Variants in IDO1 observed in about 807,000 individuals in gnomAD.
IDO1 encodes the protein indolamine 2,3 dioxygenase.
IDO1 carries 35 observed loss-of-function variants against 38.8 expected under a neutral mutation model. That is an observed-to-expected ratio of 0.90 (90% confidence interval 0.69 to 1.20). The LOEUF (loss-of-function observed/expected upper bound fraction) is 1.20, where lower values mean the gene tolerates loss of function less well. Ranked by LOEUF, IDO1 falls within the 50% of genes most tolerant of loss-of-function variation. IDO1 has a pLI of 0.00. For synonymous variants in IDO1, 171 were observed against 170.0 expected (o/e 1.01, Z -0.05); for missense variants, 509 against 485.1 (o/e 1.05, Z -0.46).
intron 1 of IDO1, among the ~76,000 whole-genome samples, chr8:39,916,052 G>A (rs1053453592): frequency 4.6e-5 from 7 of 152,108 alleles, no homozygotes; most frequent in Middle Eastern, 6.8e-3. Flanking sequence ...TGTAATCCTC[G>A]CTACTCAGGA....
At position 39,917,856 on chromosome 8, in the gene IDO1, ATCT is replaced by A; in HGVS notation, c.88-17_88-15del. ...CAATAACTGCTACTACTAAATAAAG[ATCT>A]TTTTTTTTTTTCAAGGAAAATCTAC... On this transcript the variant is annotated splice_polypyrimidine_tract_variant and intron_variant, in intron 1 of 9. Transcript: ENST00000518237. 6.8e-7 allele frequency: 1 copy of A among 1,460,026 alleles called. No homozygotes were observed. Among genetic ancestry groups the A allele is most frequent in the Non-Finnish European group, 9.6e-7 (1 of 1,047,058 alleles). The allele number at this position is 1,460,026 out of a possible 1,614,324, so 90.4% of individuals were successfully genotyped here. A position where few individuals can be genotyped will look rare whatever the true frequency, so the allele number is the denominator to read the frequency against.
intron 1 of IDO1, among the ~76,000 whole-genome samples, chr8:39,915,992 C>CT (rs1807169268): frequency 1.3e-5 from 2 of 150,894 alleles, no homozygotes; most frequent in African/African-American, 2.4e-5. Flanking sequence ...GGTGAAACCC[C>CT]GTCTCTACTA....
chr8:39,921,456 A>C (rs1179966669), intron 5 of IDO1, among the ~76,000 whole-genome samples: 5 of 152,192 alleles, frequency 3.3e-5, no homozygotes, highest in Non-Finnish European at 7.3e-5. Flanking sequence ...CCATCTCAAA[A>C]AATTAAAATA....
Position 39,923,521 on chromosome 8 carries a change from T to C in IDO1, c.590T>C (p.Leu197Pro). The C allele has an allele frequency of 6.2e-7, 1 of 1,613,778 alleles. No individual in the cohort carries two copies. Among genetic ancestry groups the C allele is most frequent in the Non-Finnish European group, 8.5e-7 (1 of 1,179,692 alleles). Residue 197 changes from leucine (L) to proline (P), a missense_variant, in exon 7 of 10, where the codon CTA (leucine) becomes CCA (proline). Physicochemically the swap from Leu to Pro is moderately conservative, Grantham distance 98. Coordinates refer to ENST00000518237, the MANE Select transcript of IDO1 (RefSeq NM_002164.6). Reference sequence around the variant, plus strand: ...CAAATGCAAGAACGGGACACTTTGCTAAAGGCGCTGTTGGAAATAGCTTCT... The same window carrying C: ...CAAATGCAAGAACGGGACACTTTGCCAAAGGCGCTGTTGGAAATAGCTTCT... ...AMQMQERDTL[L>P]KALLEIASCL...
chr8:39,916,987 C>T (rs547764119), intron 1 of IDO1, among the ~76,000 whole-genome samples: 3 of 152,264 alleles, frequency 2.0e-5, no homozygotes, highest in African/African-American at 7.2e-5. Context: ...AAGTTGGAAA[C>T]TTCACAATAA....
Position 39,922,634 on chromosome 8 carries a change from G to A in IDO1, c.520G>A (p.Ala174Thr). The change falls in exon 6 of 10, where the codon GCT (alanine) becomes ACT (threonine). Residue 174 changes from alanine to threonine, a missense_variant. Coordinates refer to ENST00000518237, the MANE Select transcript of IDO1 (RefSeq NM_002164.6). Reference sequence around the variant, plus strand: ...GGTCTCTCTATTGGTGGAAATAGCAGCTGCTTCTGCAATCAAAGTACGTCT... The same window carrying A: ...GGTCTCTCTATTGGTGGAAATAGCAACTGCTTCTGCAATCAAAGTACGTCT... ...FLVSLLVEIA[A>T]ASAIKVIPTV... 1.2e-6 allele frequency: 2 copies of A among 1,610,850 alleles called. No individual in the cohort carries two copies. Among genetic ancestry groups the A allele is most frequent in the Non-Finnish European group, 1.7e-6 (2 of 1,177,216 alleles).
chr8:39,915,463 A>G (rs2129592051), intron 1 of IDO1, among the ~76,000 whole-genome samples: 1 of 152,362 alleles, frequency 6.6e-6, no homozygotes, highest in East Asian at 1.9e-4. Context: ...GAAATCCTGT[A>G]AACAATTTGG....
intron 1 of IDO1, 36 bp from the exon 2 acceptor site, chr8:39,917,839 G>T: frequency 7.2e-7 from 1 of 1,391,360 alleles, no homozygotes. Context: ...TACAATAACT[G>T]CTACTACTAA....
intron 3 of IDO1, 107 bp from the exon 4 acceptor site, chr8:39,918,708 T>C: frequency 1.6e-6 from 1 of 622,122 alleles, no homozygotes; most frequent in East Asian, 3.0e-5. Flanking sequence ...ATCCTGCCAC[T>C]GCGCTCCAGC....
In IDO1 at chr8:39,915,577, A is replaced by ATTAAATT. The variant is rs1375340608; in HGVS notation, c.87+1568_87+1569insTTAAATT. 1.3e-3 allele frequency: 198 copies of ATTAAATT among 152,348 alleles called. 1 individual carries two copies. The highest frequency in any genetic ancestry group is 4.6e-3 in the African/African-American group (192 of 41,590). 9.4% of individuals were successfully genotyped at this position (152,348 alleles called of 1,614,324 possible). A position where few individuals can be genotyped will look rare whatever the true frequency, so the allele number is the denominator to read the frequency against. Reference sequence around the variant, plus strand: ...AGTATACTTTAATTTTATTGCCAAAAGCACTAGTTTGCTTTATTCATGCAA... The same window carrying ATTAAATT: ...AGTATACTTTAATTTTATTGCCAAAATTAAATTGCACTAGTTTGCTTTATTCATGCAA... On this transcript the variant is annotated intron_variant, in intron 1 of 9. Coordinates refer to ENST00000518237, the MANE Select transcript of IDO1 (RefSeq NM_002164.6).
chr8:39,919,992 C>G (rs910911482), intron 4 of IDO1, 108 bp from the exon 5 acceptor site: 9 of 957,368 alleles, frequency 9.4e-6, no homozygotes, highest in Admixed American at 7.1e-5. Flanking sequence ...TGTCTTACCT[C>G]TGATAGTAGC....
In IDO1 at chr8:39,920,123, C is replaced by T; in HGVS notation, c.437+9C>T. ...AGGCCCCTGACTTATGAGTAAGTAT[C>T]TGATTCTTGTTTGATTCTAAGAATT... is the stretch of plus-strand genomic sequence containing the variant. On this transcript the variant is annotated intron_variant, in intron 5 of 9. Transcript: ENST00000518237. The T allele has an allele frequency of 6.2e-7, 1 of 1,603,608 alleles. No homozygotes were observed. Among genetic ancestry groups the T allele is most frequent in the Non-Finnish European group, 8.5e-7 (1 of 1,173,596 alleles).
rs1236263469 is a variant in IDO1, at chr8:39,923,403, C to A, written c.538-66C>A. 8.0e-6 allele frequency: 6 copies of A among 746,334 alleles called. No individual in the cohort carries two copies. The African/African-American group carries it at 8.1e-5, about 10-fold the overall frequency. The allele number at this position is 746,334 out of a possible 1,614,324, so 46.2% of individuals were successfully genotyped here. ...TGGACAACTGAGCGAGACTCCGTCT[C>A]AAAAAAAAAAAAAAAAAAGAAAGAA... On this transcript the variant is annotated intron_variant, in intron 6 of 9. Transcript: ENST00000518237.
At chr8:39,927,242 C>T (rs188333165) in intron 9 of IDO1, among the ~76,000 whole-genome samples, 76 of 152,248 alleles carry the variant, frequency 5.0e-4, no homozygotes, top group Non-Finnish European at 9.4e-4. Flanking sequence ...CCATCAGCTT[C>T]TTACAGTAGA....
intron 6 of IDO1, among the ~76,000 whole-genome samples, chr8:39,923,124 C>T (rs1337860429): frequency 6.6e-6 from 1 of 152,122 alleles, no homozygotes; most frequent in Non-Finnish European, 1.5e-5. Context: ...GGGAATTTGG[C>T]AGGGCACAGT....
chr8:39,917,845 A>G (rs1807197215), intron 1 of IDO1, 30 bp from the exon 2 acceptor site: 1 of 1,443,646 alleles, frequency 6.9e-7, no homozygotes, highest in Non-Finnish European at 9.7e-7. Context: ...AACTGCTACT[A>G]CTAAATAAAG....
chr8:39,922,787 A>C (rs1563416419), intron 6 of IDO1, 136 bp downstream of exon 6: 2 of 665,000 alleles, frequency 3.0e-6, no homozygotes, highest in African/African-American at 1.8e-5. Context: ...ATTGGGGGTA[A>C]AGGATCAATT....
chr8:39,920,127 T>C lies in IDO1; in HGVS notation c.437+13T>C. On this transcript the variant is annotated intron_variant, in intron 5 of 9. Transcript: ENST00000518237. ...CCCTGACTTATGAGTAAGTATCTGA[T>C]TCTTGTTTGATTCTAAGAATTATTT... 1.2e-6 allele frequency: 2 copies of C among 1,600,838 alleles called. No individual in the cohort carries two copies. The highest frequency in any genetic ancestry group is 1.7e-6 in the Non-Finnish European group (2 of 1,171,890).
At chr8:39,918,758 A>C (rs1179667353) in intron 3 of IDO1, 57 bp from the exon 4 acceptor site, 124 of 673,276 alleles carry the variant, frequency 1.8e-4, no homozygotes, top group Middle Eastern at 3.0e-4. Context: ...AAAAAAAAAA[A>C]AAAAAAAAAA....
Sources: allele counts gnomAD v4.1 joint callset (sites outside exome capture counted in the v4.1 genomes callset), GRCh38; gene constraint gnomAD v4.1.1; transcripts MANE v1.5; gene names NCBI Gene and HGNC (gene_info 2026-07-23, HGNC 2026-07-21).